Variants in IL18RAP observed in about 807,000 individuals in gnomAD.
IL18RAP encodes the protein interleukin-18 receptor accessory protein.
A neutral mutation model predicts 58.1 loss-of-function variants in IL18RAP; 37 were observed. The ratio of observed to expected loss-of-function variants is 0.64; its 90% CI spans 0.49 to 0.84. The LOEUF is 0.84. Ranked by LOEUF, IL18RAP falls within the 40% of genes least tolerant of loss-of-function variation. The pLI is 0.00. For missense variants in IL18RAP, 667 were observed against 704.8 expected (o/e 0.95, Z 0.61); for synonymous variants, 268 against 257.5 (o/e 1.04, Z -0.39).
intron 3 of IL18RAP, chr2:102,432,432 G>A (rs541067697): frequency 2.6e-5 from 4 of 154,294 alleles, no homozygotes; most frequent in African/African-American, 9.6e-5. Flanking sequence ...AACTAAAAGG[G>A]CACCCAAATG....
Position 102,439,517 on chromosome 2 carries a change from G to T in IL18RAP, c.731-1795G>T, listed in dbSNP as rs11895701. On this transcript the variant is annotated intron_variant, in intron 4 of 9. Transcript: ENST00000687160. ...GAGGATGAGAGCAGGCACAGTCGTG[G>T]AGCAGCAAGCTTGACTCATGGTTAA... 3.0e-3 allele frequency: 450 copies of T among 152,490 alleles called. 3 individuals are homozygous for T. The highest frequency in any genetic ancestry group is 0.01 in the African/African-American group (427 of 41,580). 9.4% of individuals were successfully genotyped at this position (152,490 alleles called of 1,614,324 possible).
At chr2:102,430,387 CTTGGTT>C (rs1412826762) in intron 3 of IL18RAP, among the ~76,000 whole-genome samples, 1 of 151,924 alleles carries the variant, frequency 6.6e-6, no homozygotes, top group Non-Finnish European at 1.5e-5. Flanking sequence ...CCTGCTCTCT[CTTGGTT>C]TTGGTTTGTA....
intron 3 of IL18RAP, among the ~76,000 whole-genome samples, chr2:102,428,523 C>T (rs577894359): frequency 9.2e-5 from 14 of 151,782 alleles, no homozygotes; most frequent in Middle Eastern, 3.4e-3. Flanking sequence ...ATTTTCAGTA[C>T]AGGGAAACAC....
intron 2 of IL18RAP, 36 bp downstream of exon 2, chr2:102,424,171 C>G (rs781389038): frequency 1.2e-5 from 20 of 1,606,052 alleles, no homozygotes; most frequent in Non-Finnish European, 1.7e-5. Flanking sequence ...GAAAACATTT[C>G]CAAATCCTCT....
chr2:102,442,552 G>T (rs1683168315), intron 5 of IL18RAP, among the ~76,000 whole-genome samples: 1 of 152,126 alleles, frequency 6.6e-6, no homozygotes, highest in South Asian at 2.1e-4. Flanking sequence ...GGTATTACCA[G>T]TGGAAAAACG....
At chr2:102,428,391 T>TTA (rs386390781) in intron 3 of IL18RAP, among the ~76,000 whole-genome samples, 2 of 151,344 alleles carry the variant, frequency 1.3e-5, no homozygotes, top group Non-Finnish European at 3.0e-5. Flanking sequence ...TTTTTTTTTT[T>TTA]TATAATTTTC....
In IL18RAP at chr2:102,425,363, G is replaced by C. The variant is rs1329286237; in HGVS notation, c.579+949G>C. ...CCTGGGGATACAGTTACCATGGTAA[G>C]AGGAAACATTTCCCTACTTGATTCC... On this transcript the variant is annotated intron_variant, in intron 3 of 9. Coordinates refer to ENST00000687160, the MANE Select transcript of IL18RAP (RefSeq NM_001393487.1). Among the ~76,000 whole-genome samples the C allele has an allele frequency of 2.0e-5, 3 of 152,258 alleles. No individual in the cohort carries two copies. The East Asian group carries it at 5.8e-4, about 29-fold the overall frequency.
intron 8 of IL18RAP, 33 bp from the exon 9 acceptor site, chr2:102,450,815 A>T: frequency 7.0e-7 from 1 of 1,430,118 alleles, no homozygotes; most frequent in Non-Finnish European, 9.6e-7. Context: ...AGAGTAAATG[A>T]CTTATGTTTT....
intron 3 of IL18RAP, chr2:102,435,430 T>C (rs1682672456): frequency 6.6e-6 from 1 of 152,218 alleles, no homozygotes; most frequent in Admixed American, 6.5e-5. Context: ...TTTTTCTGGC[T>C]CAACATATAT....
At chr2:102,443,788 AACT>A (rs1210996444) in intron 6 of IL18RAP, among the ~76,000 whole-genome samples, 1 of 152,216 alleles carries the variant, frequency 6.6e-6, no homozygotes, top group Non-Finnish European at 1.5e-5. Context: ...TACCTGAAGC[AACT>A]TAACCCCGAA....
rs1474782580 is a variant in IL18RAP at position 102,437,224 on chromosome 2, C to T, written c.592C>T (p.Leu198Phe). ...AVTWYKNGKL[L>F]SVERSNRIVV... is the part of the protein sequence containing the mutation. ...TCTTTTGGATTAGAATGGAAAACTC[C>T]TCTCTGTGGAAAGGAGCAACCGAAT... The change falls in exon 4 of 10, where the codon CTC (leucine) becomes TTC (phenylalanine). Residue 198 changes from leucine (L) to phenylalanine (F), a missense_variant. Leu to Phe is a conservative substitution (Grantham distance 22). Coordinates refer to ENST00000687160, the MANE Select transcript of IL18RAP (RefSeq NM_001393487.1). 6.2e-7 allele frequency: 1 copy of T among 1,609,420 alleles called. No individual in the cohort carries two copies. The highest frequency in any genetic ancestry group is 1.7e-5 in the Admixed American group (1 of 58,858).
At chr2:102,421,489 T>A (rs1212222212), upstream of IL18RAP, among the ~76,000 whole-genome samples, 1 of 151,900 alleles carries the variant, frequency 6.6e-6, no homozygotes, top group African/African-American at 2.4e-5. Flanking sequence ...GGTGGTGGAG[T>A]TGGAGGACTG....
chr2:102,450,304 G>T (rs141071327), intron 8 of IL18RAP, among the ~76,000 whole-genome samples: 1 of 152,238 alleles, frequency 6.6e-6, no homozygotes, highest in Non-Finnish European at 1.5e-5. Context: ...CAGGCACCAA[G>T]AAGTTCATAT....
chr2:102,441,867 G>A (rs961506813), intron 5 of IL18RAP, among the ~76,000 whole-genome samples: 3 of 148,590 alleles, frequency 2.0e-5, no homozygotes, highest in African/African-American at 7.6e-5. Flanking sequence ...CATCCTGGGT[G>A]GCAGAGCAAG....
Position 102,424,259 on chromosome 2 carries a change from A to G in IL18RAP, c.424A>G (p.Lys142Glu). The change falls in exon 3 of 10, where the codon AAG becomes GAG. Residue 142 changes from lysine (K) to glutamate (E), a missense_variant. By Grantham distance (56) the Lys-to-Glu change is moderately conservative. Transcript: ENST00000687160. ...CCCCTATGATGTAGCCTGTTGTGTC[A>G]AGATGATTTTAGAAGTTAAGCCCCA... is the stretch of plus-strand genomic sequence containing the variant. Reference protein sequence around the residue: ...KSPYDVACCVKMILEVKPQTN... With the variant: ...KSPYDVACCVEMILEVKPQTN... 6.2e-7 allele frequency: 1 copy of G among 1,614,114 alleles called. No individual in the cohort carries two copies. The highest frequency in any genetic ancestry group is 8.5e-7 in the Non-Finnish European group (1 of 1,179,980).
chr2:102,448,458 T>C (rs778203149), intron 8 of IL18RAP, among the ~76,000 whole-genome samples: 19 of 152,236 alleles, frequency 1.2e-4, no homozygotes, highest in Non-Finnish European at 2.8e-4. Flanking sequence ...GCTTCTGTTT[T>C]TTTCTAGTCC....
chr2:102,436,579 G>A (rs1682754884), intron 3 of IL18RAP, among the ~76,000 whole-genome samples: 1 of 151,928 alleles, frequency 6.6e-6, no homozygotes, highest in South Asian at 2.1e-4. Flanking sequence ...TAGTAGGCAG[G>A]CAAAGTGGAA....
Position 102,445,209 on chromosome 2 carries a change from A to G in IL18RAP, c.941A>G (p.Asp314Gly). The G allele has an allele frequency of 6.2e-7, 1 of 1,614,064 alleles. No homozygotes were observed. Among genetic ancestry groups the G allele is most frequent in the Non-Finnish European group, 8.5e-7 (1 of 1,179,946 alleles). The change falls in exon 7 of 10, where the codon GAT becomes GGT. Residue 314 changes from aspartate (D) to glycine (G), a missense_variant. Coordinates refer to ENST00000687160, the MANE Select transcript of IL18RAP (RefSeq NM_001393487.1). The part of the protein sequence containing the change: ...EAKSIKSTLK[D>G]EIIERNIILE... ...CTCAGTATTAAATCCACTTTAAAGG[A>G]TGAAATCATTGAGCGTAATATCATC...
At chr2:102,442,446 G>A (rs1236749362) in intron 5 of IL18RAP, among the ~76,000 whole-genome samples, 1 of 151,980 alleles carries the variant, frequency 6.6e-6, no homozygotes, top group Admixed American at 6.6e-5. Context: ...CTAACTATGT[G>A]CTCAACGTCA....
Sources: allele counts gnomAD v4.1 joint callset (sites outside exome capture counted in the v4.1 genomes callset), GRCh38; gene constraint gnomAD v4.1.1; transcripts MANE v1.5; gene names NCBI Gene and HGNC (gene_info 2026-07-23, HGNC 2026-07-21).